Variants in TMEM232 observed in about 807,000 individuals in gnomAD.
The protein encoded by TMEM232 is transmembrane protein 232.
A neutral mutation model predicts 78.8 loss-of-function variants in TMEM232; 80 were observed. The observed-to-expected ratio is 1.01, with a 90% confidence interval of 0.85 to 1.22. The LOEUF is 1.22. Ranked by LOEUF, TMEM232 falls within the 50% of genes most tolerant of loss-of-function variation. TMEM232 has a pLI of 0.00. For missense variants in TMEM232, 881 were observed against 742.2 expected (o/e 1.19, Z -2.17); for synonymous variants, 297 against 254.3 (o/e 1.17, Z -1.60).
intron 1 of TMEM232, 32 bp from the exon 2 acceptor site, chr5:110,667,396 C>T (rs1790731604): frequency 7.0e-7 from 1 of 1,433,276 alleles, no homozygotes; most frequent in South Asian, 1.5e-5. Flanking sequence ...TGTTAGCATA[C>T]AAATGCACTC....
chr5:110,492,134 C>CA (rs1383717326), intron 12 of TMEM232, among the ~76,000 whole-genome samples: 3 of 151,726 alleles, frequency 2.0e-5, no homozygotes, highest in African/African-American at 7.3e-5. Flanking sequence ...AGCACACCAA[C>CA]ATGGCACATG....
chr5:110,524,439 A>AG (rs1770244402), intron 12 of TMEM232, among the ~76,000 whole-genome samples: 1 of 148,760 alleles, frequency 6.7e-6, no homozygotes, highest in Non-Finnish European at 1.5e-5. Context: ...AGAAAAGAAA[A>AG]GAAAGGAAAG....
chr5:110,528,466 G>C, intron 12 of TMEM232, 122 bp downstream of exon 12: 1 of 1,119,872 alleles, frequency 8.9e-7, no homozygotes. Flanking sequence ...AGGTGATCAA[G>C]CCAAAATTTG....
chr5:110,592,184 G>A (rs1282204496), intron 10 of TMEM232, among the ~76,000 whole-genome samples: 1 of 152,078 alleles, frequency 6.6e-6, no homozygotes, highest in Non-Finnish European at 1.5e-5. Context: ...TTATATAAAA[G>A]CCAAAGATCC....
At chr5:110,712,287 A>C (rs1796570352) in intron 1 of TMEM232, among the ~76,000 whole-genome samples, 1 of 152,070 alleles carries the variant, frequency 6.6e-6, no homozygotes, top group East Asian at 1.9e-4. Context: ...ACAGCAAAGA[A>C]AACAATCAAC....
At chr5:110,634,833 A>C (rs906147815) in intron 5 of TMEM232, among the ~76,000 whole-genome samples, 3 of 152,026 alleles carry the variant, frequency 2.0e-5, no homozygotes, top group African/African-American at 7.2e-5. Context: ...AGAAGATGAC[A>C]AATAATAAAG....
intron 2 of TMEM232, among the ~76,000 whole-genome samples, chr5:110,412,021 C>T (rs1193548431): frequency 6.6e-6 from 1 of 152,242 alleles, no homozygotes; most frequent in East Asian, 1.9e-4. Context: ...ATTCATGTTA[C>T]ATCCTGTGTC....
intron 2 of TMEM232, among the ~76,000 whole-genome samples, chr5:110,404,627 G>C (rs146315605): frequency 6.6e-6 from 1 of 152,020 alleles, no homozygotes; most frequent in Non-Finnish European, 1.5e-5. Flanking sequence ...TTTATATGAA[G>C]AAGAGCTAAA....
intron 12 of TMEM232, among the ~76,000 whole-genome samples, chr5:110,488,842 T>C (rs1389027048): frequency 1.3e-5 from 2 of 152,034 alleles, no homozygotes; most frequent in East Asian, 3.9e-4. Context: ...AATAGAAGTT[T>C]CAAAATTTTT....
intron 12 of TMEM232, among the ~76,000 whole-genome samples, chr5:110,455,596 T>C (rs1371788238): frequency 6.6e-6 from 1 of 152,034 alleles, no homozygotes; most frequent in Non-Finnish European, 1.5e-5. Flanking sequence ...GCCAGGATGG[T>C]CTCAATCTCC....
upstream of TMEM232, chr5:110,738,788 G>T: frequency 2.4e-6 from 1 of 415,146 alleles, no homozygotes; most frequent in Non-Finnish European, 4.2e-6. Context: ...TCCCATGCAG[G>T]CCCTATTCCT....
intron 2 of TMEM232, among the ~76,000 whole-genome samples, chr5:110,665,446 G>T (rs1168810582): frequency 1.3e-5 from 2 of 152,094 alleles, no homozygotes; most frequent in East Asian, 3.9e-4. Flanking sequence ...TCACAGTTCC[G>T]CATGGCTGGG....
intron 11 of TMEM232, among the ~76,000 whole-genome samples, chr5:110,553,831 A>G (rs553372543): frequency 6.6e-6 from 1 of 152,124 alleles, no homozygotes; most frequent in Non-Finnish European, 1.5e-5. Flanking sequence ...TAAATTGTTC[A>G]ATATAATGTT....
chr5:110,738,942 G>C (rs1799505186), upstream of TMEM232: 1 of 1,430,290 alleles, frequency 7.0e-7, no homozygotes, highest in Non-Finnish European at 9.1e-7. Context: ...TTTAATGGTT[G>C]CCGGAAGAGG....
Position 110,696,125 on chromosome 5 carries a change from C to T in TMEM232, c.-12-28761G>A, listed in dbSNP as rs908576557. Among the ~76,000 whole-genome samples, 8 of 152,256 alleles carry T rather than the reference C, an allele frequency of 5.3e-5. 1 individual carries two copies. Among genetic ancestry groups the T allele is most frequent in the Admixed American group, 3.9e-4 (6 of 15,294 alleles). On this transcript the variant is annotated intron_variant, in intron 1 of 13. Transcript: ENST00000455884. ...CCACCATGATCAAGTGGGCTTCATC[C>T]CTGGGATGCAAGGCTGGTTCACCAT...
At chr5:110,723,908 A>T (rs116425194) in intron 1 of TMEM232, among the ~76,000 whole-genome samples, 1 of 152,202 alleles carries the variant, frequency 6.6e-6, no homozygotes, top group Non-Finnish European at 1.5e-5. Flanking sequence ...ATGGTGATAG[A>T]GCAGTCACCT....
chr5:110,472,150 A>G (rs2149377127), intron 12 of TMEM232, among the ~76,000 whole-genome samples: 1 of 152,094 alleles, frequency 6.6e-6, no homozygotes, highest in East Asian at 1.9e-4. Flanking sequence ...TAGAAAAGCC[A>G]AAGACTCCAC....
intron 1 of TMEM232, among the ~76,000 whole-genome samples, chr5:110,673,078 A>C (rs1016475358): frequency 1.4e-4 from 22 of 152,194 alleles, no homozygotes; most frequent in Admixed American, 5.2e-4. Flanking sequence ...GATAGACTGG[A>C]TTAAGAAAAT....
chr5:110,734,831 T>A (rs1307121462), intron 2 of TMEM232: 2 of 152,182 alleles, frequency 1.3e-5, no homozygotes, highest in Non-Finnish European at 2.9e-5. Context: ...ATTTTTAAAA[T>A]TGCTTATTTC....
Sources: allele counts gnomAD v4.1 joint callset (sites outside exome capture counted in the v4.1 genomes callset), GRCh38; gene constraint gnomAD v4.1.1; transcripts MANE v1.5; gene names NCBI Gene and HGNC (gene_info 2026-07-23, HGNC 2026-07-21).